ABHD2: variants seen among roughly 807,000 people sequenced by gnomAD.
ABHD2 encodes abhydrolase domain containing 2, acylglycerol lipase, also known as monoacylglycerol lipase ABHD2.
ABHD2 carries 20 observed loss-of-function variants against 48.1 expected under a neutral mutation model. The ratio of observed to expected loss-of-function variants is 0.42; its 90% CI spans 0.29 to 0.60. The LOEUF (loss-of-function observed/expected upper bound fraction) is 0.60. Among genes scored for constraint, ABHD2 ranks in the 20% least tolerant of loss-of-function variants. ABHD2 has a pLI of 0.24. For missense variants in ABHD2, 405 were observed against 550.9 expected (o/e 0.74, Z 2.65); for synonymous variants, 209 against 214.2 (o/e 0.98, Z 0.21).
chr15:89,093,271 C>T (rs1364230632), intron 1 of ABHD2, among the ~76,000 whole-genome samples: 3 of 147,348 alleles, frequency 2.0e-5, no homozygotes, highest in Non-Finnish European at 3.0e-5. Flanking sequence ...ACCTCTGCTT[C>T]GCGGGTTCAA....
At chr15:89,145,684 G>A (rs2050479773) in intron 3 of ABHD2, among the ~76,000 whole-genome samples, 1 of 152,230 alleles carries the variant, frequency 6.6e-6, no homozygotes, top group South Asian at 2.1e-4. Context: ...CCCACTGCAT[G>A]CAGGTAATAA....
chr15:89,200,657 A>C lies in ABHD2; in HGVS notation c.*5234A>C, dbSNP rs2051456861. 5.1e-6 allele frequency: 1 copy of C among 195,898 alleles called. No individual in the cohort carries two copies. The highest frequency in any genetic ancestry group is 2.3e-5 in the African/African-American group (1 of 42,630). The allele number at this position is 195,898 out of a possible 1,614,324, so 12.1% of individuals were successfully genotyped here. A position where few individuals can be genotyped will look rare whatever the true frequency, so the allele number is the denominator to read the frequency against. On this transcript the variant is annotated 3_prime_UTR_variant, in exon 11 of 11. Coordinates refer to ENST00000352732, the MANE Select transcript of ABHD2 (RefSeq NM_152924.5). ...AGGCAAAGCCTGTATGACGCTGTAC[A>C]CACACAAAAAAATGGTCACCGCAGG...
intron 9 of ABHD2, among the ~76,000 whole-genome samples, chr15:89,191,601 G>A (rs372975069): frequency 2.0e-5 from 3 of 151,138 alleles, no homozygotes; most frequent in Non-Finnish European, 4.4e-5. Context: ...CTGTATCAAA[G>A]TAATGATGAG....
chr15:89,135,004 A>G (rs2050279812), intron 3 of ABHD2, among the ~76,000 whole-genome samples: 1 of 152,166 alleles, frequency 6.6e-6, no homozygotes, highest in African/African-American at 2.4e-5. Context: ...GATGTAGTAC[A>G]AATGCTGATG....
chr15:89,055,939 C>G, the ABHD2 span, among the ~76,000 whole-genome samples: 2 of 152,166 alleles, frequency 1.3e-5, no homozygotes, highest in Non-Finnish European at 2.9e-5. Flanking sequence ...TCACGGCTCA[C>G]TGCAGTCTTG....
At chr15:89,042,756 C>T in the ABHD2 span, among the ~76,000 whole-genome samples, 1 of 152,000 alleles carries the variant, frequency 6.6e-6, no homozygotes, top group East Asian at 1.9e-4. Context: ...AAGTGACTCT[C>T]ATGCCTCAGC....
rs1465713052 is a variant in ABHD2, at chr15:89,146,868, T to C, written c.195-4809T>C. On this transcript the variant is annotated intron_variant, in intron 3 of 10. Transcript: ENST00000352732. The surrounding 1 kb of genome is among the most constrained non-coding windows in gnomAD (Gnocchi z 4.2). The stretch of plus-strand genomic sequence containing the variant: ...GGTGTCAATTATCTCCTAGGTAATA[T>C]ATATTTGTCGTGTTTCCAATCAAAA... Among the ~76,000 whole-genome samples the C allele has an allele frequency of 1.7e-4, 26 of 152,216 alleles. No homozygotes were observed. The highest frequency in any genetic ancestry group is 1.7e-3 in the Admixed American group (26 of 15,278).
chr15:89,049,140 G>C, the ABHD2 span, among the ~76,000 whole-genome samples: 1 of 151,918 alleles, frequency 6.6e-6, no homozygotes, highest in African/African-American at 2.4e-5. Context: ...TGGAGTACCC[G>C]GCCGGCCGTG....
chr15:89,157,098 T>C (rs747634622), intron 5 of ABHD2, among the ~76,000 whole-genome samples: 17 of 152,218 alleles, frequency 1.1e-4, no homozygotes, highest in Non-Finnish European at 2.4e-4. Flanking sequence ...AAGAGCCACA[T>C]TGCTGTTACT....
chr15:89,188,092 G>T lies in ABHD2; in HGVS notation c.816-101G>T. 1.1e-6 allele frequency: 1 copy of T among 899,652 alleles called. No individual in the cohort carries two copies. Among genetic ancestry groups the T allele is most frequent in the Non-Finnish European group, 1.8e-6 (1 of 554,276 alleles). The allele number at this position is 899,652 out of a possible 1,614,324, so 55.7% of individuals were successfully genotyped here. A position where few individuals can be genotyped will look rare whatever the true frequency, so the allele number is the denominator to read the frequency against. ...AAAGGTTCTATTTCTAACTGACCAC[G>T]TTGGCTCTCCCTCCTGGCTTGCTGT... On this transcript the variant is annotated intron_variant, in intron 7 of 10. Transcript: ENST00000352732. The surrounding 1 kb of genome is among the most constrained non-coding windows in gnomAD (Gnocchi z 4.1).
At chr15:89,070,978 G>GC in the ABHD2 span, among the ~76,000 whole-genome samples, 1 of 151,782 alleles carries the variant, frequency 6.6e-6, no homozygotes, top group South Asian at 2.1e-4. Flanking sequence ...CCTGAAGTGT[G>GC]CCCCCCGCTT....
intron 3 of ABHD2, among the ~76,000 whole-genome samples, chr15:89,121,800 C>A (rs2050055628): frequency 6.6e-6 from 1 of 152,102 alleles, no homozygotes; most frequent in Admixed American, 6.5e-5. Context: ...CACCAAAATG[C>A]CTCTTATCCT....
Position 89,168,164 on chromosome 15 carries a change from C to T in ABHD2, c.539-7648C>T, listed in dbSNP as rs11631481. On this transcript the variant is annotated intron_variant, in intron 5 of 10. Coordinates refer to ENST00000352732, the MANE Select transcript of ABHD2 (RefSeq NM_152924.5). This position sits in a 1 kb window ranked among gnomAD's most constrained non-coding sequence, Gnocchi z 4.8. The stretch of plus-strand genomic sequence containing the variant: ...ATAATAGCTTTCAGGCAGCCTTTGC[C>T]TTGTCCTTCTTTAGGTGTAGGGGCT... Among the ~76,000 whole-genome samples, 1,095 of 152,314 alleles carry T rather than the reference C, an allele frequency of 7.2e-3. 3 individuals carry two copies. Among genetic ancestry groups the T allele is most frequent in the Non-Finnish European group, 0.011 (743 of 68,022 alleles).
At chr15:89,101,881 C>T (rs570032256) in intron 1 of ABHD2, among the ~76,000 whole-genome samples, 2 of 152,274 alleles carry the variant, frequency 1.3e-5, no homozygotes, top group African/African-American at 4.8e-5. Flanking sequence ...TCCAACATCG[C>T]CATGGGTCAG....
rs2050989266 is a variant in ABHD2, at chr15:89,175,049, G to A, written c.539-763G>A. On this transcript the variant is annotated intron_variant, in intron 5 of 10. Coordinates refer to ENST00000352732, the MANE Select transcript of ABHD2 (RefSeq NM_152924.5). The surrounding 1 kb of genome is among the most constrained non-coding windows in gnomAD (Gnocchi z 5.7). ...TACAGAGCATCCTGGCAGTCCCTCT[G>A]GACTGAAGTTTATCTTTCCTCTCCT... Among the ~76,000 whole-genome samples, 1 of 152,032 alleles carries A rather than the reference G, an allele frequency of 6.6e-6. No individual in the cohort carries two copies. The highest frequency in any genetic ancestry group is 6.6e-5 in the Admixed American group (1 of 15,266).
At chr15:89,125,757 G>A (rs1018547486) in intron 3 of ABHD2, among the ~76,000 whole-genome samples, 11 of 152,170 alleles carry the variant, frequency 7.2e-5, no homozygotes, top group Admixed American at 6.5e-4. Context: ...GGTCATTTAT[G>A]CAAGGGGCCA....
the ABHD2 span, among the ~76,000 whole-genome samples, chr15:89,043,196 C>G: frequency 6.6e-6 from 1 of 152,158 alleles, no homozygotes; most frequent in Non-Finnish European, 1.5e-5. Flanking sequence ...TACAGTCCCT[C>G]AGAAGGTGGC....
At chr15:89,081,589 G>A in the ABHD2 span, among the ~76,000 whole-genome samples, 11 of 152,258 alleles carry the variant, frequency 7.2e-5, no homozygotes, top group East Asian at 1.9e-4. Flanking sequence ...ATAGTTGGCC[G>A]GGTGCAGTGG....
At chr15:89,138,220 A>G (rs1027449209) in intron 3 of ABHD2, among the ~76,000 whole-genome samples, 1 of 152,214 alleles carries the variant, frequency 6.6e-6, no homozygotes, top group Admixed American at 6.5e-5. Flanking sequence ...CTGTGTGCAC[A>G]CACATGCATG....
Sources: allele counts gnomAD v4.1 joint callset (sites outside exome capture counted in the v4.1 genomes callset), GRCh38; gene constraint gnomAD v4.1.1; non-coding constraint Gnocchi (gnomAD v3.1); transcripts MANE v1.5; gene names NCBI Gene and HGNC (gene_info 2026-07-23, HGNC 2026-07-21).